The following ITGA8 variants were observed in gnomAD, a reference collection of about 807,000 sequenced individuals.
The protein encoded by ITGA8 is integrin subunit alpha 8, also known as integrin alpha-8.
ITGA8 carries 91 observed loss-of-function variants against 142.3 expected under a neutral mutation model. That is an observed-to-expected ratio of 0.64 (90% confidence interval 0.54 to 0.76). ITGA8 has a LOEUF of 0.76. Ranked by LOEUF, ITGA8 falls within the 30% of genes least tolerant of loss-of-function variation. The pLI is 0.00. For synonymous variants in ITGA8, 505 were observed against 485.2 expected, an observed-to-expected ratio of 1.04 and a Z score of -0.54; for missense variants, 1,406 against 1,327.7, an observed-to-expected ratio of 1.06 and a Z score of -0.92.
chr10:15,690,173 C>T (rs1161285219), intron 2 of ITGA8, among the ~76,000 whole-genome samples: 2 of 152,142 alleles, frequency 1.3e-5, no homozygotes, highest in Non-Finnish European at 2.9e-5. Flanking sequence ...CTGAGGCTCC[C>T]CACCTCCCTG....
At chr10:15,618,979 A>G (rs544751882) in intron 13 of ITGA8, among the ~76,000 whole-genome samples, 266 of 152,306 alleles carry the variant, frequency 1.7e-3, no homozygotes, top group African/African-American at 6.3e-3. Context: ...TTGAGGGCTT[A>G]GTGTCCCTGA....
rs767551079 is a variant in ITGA8, at chr10:15,719,654, T to C, written c.118A>G (p.Asn40Asp). Residue 40 changes from asparagine to aspartate, a missense_variant, in exon 1 of 30, where the codon AAC becomes GAC. By Grantham distance (23) the Asn-to-Asp change is conservative (BLOSUM62 1). Transcript: ENST00000378076. ...ACTGTGAGCTTTTCCACGTCCAGGT[T>C]GAACGCCTGACAGGCGGGGGACCAC... ...LLWSPACQAF[N>D]LDVEKLTVYS... 1.4e-5 allele frequency: 21 copies of C among 1,522,672 alleles called. No individual in the cohort carries two copies. The highest frequency in any genetic ancestry group is 1.7e-5 in the Non-Finnish European group (19 of 1,145,178). 94.3% of individuals were successfully genotyped at this position (1,522,672 alleles called of 1,614,324 possible).
At chr10:15,571,113 C>T (rs1351280110) in intron 25 of ITGA8, among the ~76,000 whole-genome samples, 1 of 152,170 alleles carries the variant, frequency 6.6e-6, no homozygotes, top group Non-Finnish European at 1.5e-5. Context: ...ACACAAGTGG[C>T]CTTATGTATA....
intron 22 of ITGA8, among the ~76,000 whole-genome samples, chr10:15,590,129 T>C (rs1164229502): frequency 6.6e-6 from 1 of 152,218 alleles, no homozygotes; most frequent in Non-Finnish European, 1.5e-5. Context: ...TGTATGTATA[T>C]TCCAGTTCTT....
intron 11 of ITGA8, among the ~76,000 whole-genome samples, chr10:15,652,546 C>CT (rs1834107659): frequency 6.6e-6 from 1 of 151,892 alleles, no homozygotes; most frequent in Non-Finnish European, 1.5e-5. Flanking sequence ...TATGTCTGGC[C>CT]TTCAAGTTCT....
chr10:15,601,282 G>A (rs1359271345), intron 20 of ITGA8, among the ~76,000 whole-genome samples: 1 of 152,038 alleles, frequency 6.6e-6, no homozygotes, highest in African/African-American at 2.4e-5. Flanking sequence ...AGGGGTGTGA[G>A]TGGGAAGACC....
intron 19 of ITGA8, among the ~76,000 whole-genome samples, chr10:15,605,100 A>G (rs1833170648): frequency 6.6e-6 from 1 of 152,112 alleles, no homozygotes; most frequent in Admixed American, 6.6e-5. Flanking sequence ...CTGGGAGGGA[A>G]AGAAACACAA....
rs1832964035 is a variant in ITGA8, at chr10:15,516,578, C to G, written c.*580G>C. On this transcript the variant is annotated 3_prime_UTR_variant, in exon 30 of 30. Coordinates refer to ENST00000378076, the MANE Select transcript of ITGA8 (RefSeq NM_003638.3). Reference sequence around the variant, plus strand: ...GACATGGAAAATAAATAAATAAACTCTCACCCTCACTCACAAGATTATTTT... The same window carrying G: ...GACATGGAAAATAAATAAATAAACTGTCACCCTCACTCACAAGATTATTTT... The G allele has an allele frequency of 6.6e-6, 1 of 152,192 alleles. No individual in the cohort carries two copies. The highest frequency in any genetic ancestry group is 1.5e-5 in the Non-Finnish European group (1 of 68,046). The allele number at this position is 152,192 out of a possible 1,614,324, so 9.4% of individuals were successfully genotyped here. A position where few individuals can be genotyped will look rare whatever the true frequency, so the allele number is the denominator to read the frequency against.
At chr10:15,693,686 A>G (rs556637095) in intron 2 of ITGA8, among the ~76,000 whole-genome samples, 12 of 152,282 alleles carry the variant, frequency 7.9e-5, no homozygotes, top group African/African-American at 2.4e-4. Flanking sequence ...ACCTTGGGCA[A>G]TTCATTTAAT....
chr10:15,673,041 CA>C (rs1317475268), intron 6 of ITGA8, among the ~76,000 whole-genome samples: 8 of 152,110 alleles, frequency 5.3e-5, no homozygotes, highest in Non-Finnish European at 7.3e-5. Flanking sequence ...GCCAAATTTG[CA>C]AGTAAAATTT....
intron 26 of ITGA8, among the ~76,000 whole-genome samples, chr10:15,553,721 C>T (rs1277204586): frequency 6.6e-6 from 1 of 152,146 alleles, no homozygotes. Flanking sequence ...AGTTATCCAG[C>T]TGGGCATGGT....
chr10:15,588,014 C>A (rs976355962), intron 22 of ITGA8, among the ~76,000 whole-genome samples: 3 of 152,066 alleles, frequency 2.0e-5, no homozygotes, highest in Admixed American at 1.3e-4. Flanking sequence ...ACAGCCACAT[C>A]ACCACTAACA....
chr10:15,646,544 A>T (rs544603243), intron 12 of ITGA8, among the ~76,000 whole-genome samples: 1 of 152,302 alleles, frequency 6.6e-6, no homozygotes, highest in East Asian at 1.9e-4. Context: ...CAAGGAGATC[A>T]ATTATACTAA....
intron 8 of ITGA8, among the ~76,000 whole-genome samples, chr10:15,669,101 TC>T: frequency 6.6e-6 from 1 of 152,322 alleles, no homozygotes; most frequent in South Asian, 2.1e-4. Flanking sequence ...CTGGGTAATA[TC>T]CTGCAGAGTG....
Position 15,616,680 on chromosome 10 carries a change from T to C in ITGA8, c.1400-121A>G, listed in dbSNP as rs1833398888. ...GCTGATGGTACGAGAGCCACAAAAT[T>C]AGAAGAGAAATCACACCTTTCTTAA... On this transcript the variant is annotated intron_variant, in intron 13 of 29. Transcript: ENST00000378076. The C allele has an allele frequency of 3.8e-6, 3 of 794,492 alleles. No homozygotes were observed. In the East Asian group the frequency reaches 7.8e-5, roughly 21 times the overall value. The allele number at this position is 794,492 out of a possible 1,614,324, so 49.2% of individuals were successfully genotyped here.
In ITGA8 at chr10:15,566,704, G is replaced by C. The variant is rs146035723; in HGVS notation, c.2637+5507C>G. Among the ~76,000 whole-genome samples the C allele has an allele frequency of 5.7e-3, 864 of 151,910 alleles. 7 individuals carry two copies. Among genetic ancestry groups the C allele is most frequent in the African/African-American group, 0.02 (839 of 41,478 alleles). ...TACATTCCTGTAGTCCCAGCTACTT[G>C]GGAGACTGAAATGGGAGGATTGCTT... On this transcript the variant is annotated intron_variant, in intron 25 of 29. Transcript: ENST00000378076.
intron 28 of ITGA8, among the ~76,000 whole-genome samples, chr10:15,528,211 C>CA (rs1289555283): frequency 6.6e-6 from 1 of 152,142 alleles, no homozygotes; most frequent in African/African-American, 2.4e-5. Flanking sequence ...GCTGGGATTA[C>CA]AGGTGTGAGC....
intron 28 of ITGA8, among the ~76,000 whole-genome samples, chr10:15,522,128 T>C (rs1833083641): frequency 6.6e-6 from 1 of 152,228 alleles, no homozygotes. Context: ...GATAAATGTT[T>C]GAGACAATAG....
chr10:15,642,590 G>GT (rs1398083312), intron 13 of ITGA8, among the ~76,000 whole-genome samples: 4 of 152,082 alleles, frequency 2.6e-5, no homozygotes, highest in Non-Finnish European at 5.9e-5. Flanking sequence ...CCTCTCCCCA[G>GT]TAATAACAAC....
Sources: allele counts gnomAD v4.1 joint callset (sites outside exome capture counted in the v4.1 genomes callset), GRCh38; gene constraint gnomAD v4.1.1; transcripts MANE v1.5; gene names NCBI Gene and HGNC (gene_info 2026-07-23, HGNC 2026-07-21).